CCDC68: variants seen among roughly 807,000 people sequenced by gnomAD.
CCDC68 encodes the protein coiled-coil domain containing 68, also known as coiled-coil domain-containing protein 68.
A neutral mutation model predicts 47.1 loss-of-function variants in CCDC68; 45 were observed. That is an observed-to-expected ratio of 0.96 (90% CI 0.75 to 1.23). CCDC68 has a LOEUF of 1.23. Among genes scored for constraint, CCDC68 ranks in the 50% most tolerant of loss-of-function variants. The pLI, the probability that CCDC68 is intolerant of heterozygous loss-of-function variation, is 0.00. For synonymous variants in CCDC68, 131 were observed against 129.5 expected (o/e 1.01, Z -0.08); for missense variants, 353 against 373.6 (o/e 0.94, Z 0.45).
intron 9 of CCDC68, among the ~76,000 whole-genome samples, chr18:54,918,476 TAAG>T (rs1218899044): frequency 2.0e-5 from 3 of 152,144 alleles, no homozygotes; most frequent in South Asian, 4.1e-4. Context: ...CAAAGCAGTG[TAAG>T]AAGAGAGGGG....
rs1242398223 is a variant in CCDC68 at position 54,928,800 on chromosome 18, CT to C, written c.682del (p.Ser228ValfsTer22). 4.4e-6 allele frequency: 7 copies of C among 1,606,160 alleles called. No homozygotes were observed. Among genetic ancestry groups the C allele is most frequent in the African/African-American group, 2.7e-5 (2 of 74,730 alleles). ...QLKSSATYGKSCQDLQREISI... is the reference protein window; with the variant it reads ...QLKSSATYGKXCQDLQREISI... ...TTACTTAACAGGTAGCTTCACAAAC[CT>C]TTTTCCATATGTAGCACTGGATTTG... is the stretch of plus-strand genomic sequence containing the variant. On this transcript the variant is annotated frameshift_variant and splice_region_variant, in exon 8 of 12. Coordinates refer to ENST00000591504, the MANE Select transcript of CCDC68 (RefSeq NM_025214.3). LOFTEE classifies it high-confidence loss of function.
chr18:54,928,810 A>G lies in CCDC68; in HGVS notation c.673T>C (p.Tyr225His). 1.2e-6 allele frequency: 2 copies of G among 1,609,756 alleles called. No homozygotes were observed. Among genetic ancestry groups the G allele is most frequent in the Non-Finnish European group, 1.7e-6 (2 of 1,176,068 alleles). ...GGTAGCTTCACAAACCTTTTTCCAT[A>G]TGTAGCACTGGATTTGAGTTGCAGT... ...KLLQLKSSATYGKSCQDLQRE... is the reference protein window; with the variant it reads ...KLLQLKSSATHGKSCQDLQRE... The change falls in exon 8 of 12, where the codon TAT (tyrosine) becomes CAT (histidine). Residue 225 changes from tyrosine to histidine, a missense_variant. Transcript: ENST00000591504.
intron 3 of CCDC68, among the ~76,000 whole-genome samples, chr18:54,942,337 A>G (rs1443964571): frequency 1.3e-5 from 2 of 152,190 alleles, no homozygotes; most frequent in Non-Finnish European, 2.9e-5. Flanking sequence ...ATCAACACTC[A>G]TGAAACCACT....
chr18:54,933,274 G>T (rs1053640966), intron 7 of CCDC68, among the ~76,000 whole-genome samples: 151 of 152,000 alleles, frequency 9.9e-4, no homozygotes, highest in African/African-American at 3.6e-3. Flanking sequence ...TAGAGACGGG[G>T]TTTCACCATG....
At chr18:54,950,786 G>GTATATATATATATATATATA (rs2044600293) in intron 1 of CCDC68, among the ~76,000 whole-genome samples, 1 of 62,066 alleles carries the variant, frequency 1.6e-5, no homozygotes, top group African/African-American at 5.6e-5. Context: ...ATTATCTTCA[G>GTATATATATATATATATATA]TGTATATATA....
intron 10 of CCDC68, among the ~76,000 whole-genome samples, chr18:54,908,901 G>C (rs990412880): frequency 6.6e-6 from 1 of 151,936 alleles, no homozygotes; most frequent in Admixed American, 6.6e-5. Flanking sequence ...GTAGAGACAG[G>C]GTTTCACCAA....
At chr18:54,908,270 T>A (rs1198832010) in intron 10 of CCDC68, among the ~76,000 whole-genome samples, 1 of 152,208 alleles carries the variant, frequency 6.6e-6, no homozygotes, top group Non-Finnish European at 1.5e-5. Context: ...TGAAAATAGG[T>A]ACCATCTGCT....
At chr18:54,948,458 T>C (rs1176040619) in intron 1 of CCDC68, among the ~76,000 whole-genome samples, 1 of 152,136 alleles carries the variant, frequency 6.6e-6, no homozygotes, top group East Asian at 1.9e-4. Context: ...CTTGAACTTC[T>C]AGGCTCTAGA....
At chr18:54,918,318 C>T (rs1303580173) in intron 9 of CCDC68, among the ~76,000 whole-genome samples, 1 of 152,206 alleles carries the variant, frequency 6.6e-6, no homozygotes, top group East Asian at 1.9e-4. Context: ...TTTCATCCTG[C>T]AGATGCAGCT....
At chr18:54,928,062 G>A (rs947377477) in intron 8 of CCDC68, among the ~76,000 whole-genome samples, 2 of 152,146 alleles carry the variant, frequency 1.3e-5, no homozygotes, top group African/African-American at 4.8e-5. Flanking sequence ...TCTTGAAATC[G>A]ATTTGACTTT....
At chr18:54,943,083 C>A (rs1323510471) in intron 2 of CCDC68, 9 of 245,264 alleles carry the variant, frequency 3.7e-5, no homozygotes, top group Non-Finnish European at 6.2e-5. Context: ...ACTGTAAAAT[C>A]TAAAATCTCA....
chr18:54,904,499 A>C, intron 11 of CCDC68, 84 bp from the exon 12 acceptor site: 1 of 1,030,424 alleles, frequency 9.7e-7, no homozygotes, highest in Non-Finnish European at 1.5e-6. Flanking sequence ...CAACTACCAC[A>C]ATACTATTCA....
chr18:54,937,915 G>C (rs111233458), intron 5 of CCDC68, 42 bp downstream of exon 5: 10 of 1,577,160 alleles, frequency 6.3e-6, no homozygotes, highest in Non-Finnish European at 8.6e-6. Context: ...CTATTAGCTC[G>C]AAGGCTCAAA....
At chr18:54,949,990 A>T (rs778359748) in intron 1 of CCDC68, among the ~76,000 whole-genome samples, 7 of 152,028 alleles carry the variant, frequency 4.6e-5, no homozygotes, top group Non-Finnish European at 1.0e-4. Context: ...TCATCTCACA[A>T]CCTGATTTCA....
chr18:54,912,908 T>C (rs1914451172), intron 10 of CCDC68, among the ~76,000 whole-genome samples: 2 of 152,174 alleles, frequency 1.3e-5, no homozygotes. Context: ...TTCACTACCA[T>C]GAGAACAGTA....
chr18:54,923,078 C>T (rs2044089723), intron 8 of CCDC68, among the ~76,000 whole-genome samples: 1 of 150,944 alleles, frequency 6.6e-6, no homozygotes, highest in Non-Finnish European at 1.5e-5. Flanking sequence ...AAAATTGCTC[C>T]AGCAAGGAAA....
chr18:54,918,884 T>C (rs2145423743), intron 9 of CCDC68, among the ~76,000 whole-genome samples: 2 of 152,300 alleles, frequency 1.3e-5, no homozygotes, highest in Admixed American at 1.3e-4. Flanking sequence ...GCTACACCCC[T>C]ATCCTAAATC....
chr18:54,942,683 C>A lies in CCDC68; in HGVS notation c.109G>T (p.Val37Leu). The A allele has an allele frequency of 6.3e-7, 1 of 1,575,132 alleles. No individual in the cohort carries two copies. The highest frequency in any genetic ancestry group is 8.7e-7 in the Non-Finnish European group (1 of 1,151,094). Residue 37 changes from valine (V) to leucine (L), a missense_variant, in exon 3 of 12, where the codon GTG (valine) becomes TTG (leucine). Val to Leu is a conservative substitution (Grantham distance 32). Coordinates refer to ENST00000591504, the MANE Select transcript of CCDC68 (RefSeq NM_025214.3). Reference protein sequence around the residue: ...SAHIIEETEYVKKIRTTLQKI... With the variant: ...SAHIIEETEYLKKIRTTLQKI... ...TTCTGCTACCCACATACCTTTTTCA[C>A]ATACTCGGTTTCTTCAATAATGTGA...
At chr18:54,945,187 T>C (rs1599089149) in intron 2 of CCDC68, among the ~76,000 whole-genome samples, 1 of 152,162 alleles carries the variant, frequency 6.6e-6, no homozygotes, top group East Asian at 1.9e-4. Flanking sequence ...TAGCAAAACA[T>C]AGATAACTAT....
Sources: allele counts gnomAD v4.1 joint callset (sites outside exome capture counted in the v4.1 genomes callset), GRCh38; gene constraint gnomAD v4.1.1; transcripts MANE v1.5; gene names NCBI Gene and HGNC (gene_info 2026-07-23, HGNC 2026-07-21).